Variants in AGBL1 observed in about 807,000 individuals in gnomAD.
The protein encoded by AGBL1 is AGBL carboxypeptidase 1.
In AGBL1, 130 loss-of-function variants were observed where a neutral mutation model predicts 118.9. The ratio of observed to expected loss-of-function variants is 1.09; its 90% CI spans 0.95 to 1.26. AGBL1 has a LOEUF of 1.26. AGBL1 is among the 50% of genes most tolerant of loss of function. The pLI is 0.00. For synonymous variants in AGBL1, 555 were observed against 478.9 expected, an observed-to-expected ratio of 1.16 and a Z score of -2.08; for missense variants, 1,584 against 1,298.1, an observed-to-expected ratio of 1.22 and a Z score of -3.38.
At chr15:86,548,342 C>A (rs1191397183) in intron 20 of AGBL1, among the ~76,000 whole-genome samples, 1 of 152,122 alleles carries the variant, frequency 6.6e-6, no homozygotes, top group Non-Finnish European at 1.5e-5. Flanking sequence ...CACTCTGCAA[C>A]ATTTATTCAG....
intron 5 of AGBL1, among the ~76,000 whole-genome samples, chr15:86,181,764 A>G (rs1330581470): frequency 6.6e-6 from 1 of 152,082 alleles, no homozygotes. Context: ...GAAGGATACC[A>G]ATAACTAGTT....
intron 22 of AGBL1, among the ~76,000 whole-genome samples, chr15:86,693,720 T>C (rs1196692142): frequency 6.6e-6 from 1 of 152,160 alleles, no homozygotes; most frequent in Non-Finnish European, 1.5e-5. Flanking sequence ...AGAACTTTTA[T>C]AGTTTCAGGT....
chr15:86,127,544 C>T (rs914952896), intron 1 of AGBL1, among the ~76,000 whole-genome samples: 9 of 151,168 alleles, frequency 6.0e-5, no homozygotes, highest in African/African-American at 2.0e-4. Context: ...AAAAGCAGGC[C>T]ACGTGGCCGA....
chr15:86,608,965 T>A (rs1316112755), intron 21 of AGBL1, among the ~76,000 whole-genome samples: 2 of 152,144 alleles, frequency 1.3e-5, no homozygotes, highest in Non-Finnish European at 2.9e-5. Context: ...AGAAACTGCA[T>A]CTTGGCAAAC....
At chr15:86,869,978 G>A (rs1231943841) in intron 22 of AGBL1, among the ~76,000 whole-genome samples, 1 of 152,050 alleles carries the variant, frequency 6.6e-6, no homozygotes, top group Non-Finnish European at 1.5e-5. Context: ...TCCATTGCCC[G>A]CAAGTTTCCA....
intron 17 of AGBL1, among the ~76,000 whole-genome samples, chr15:86,350,972 T>A (rs188682336): frequency 7.7e-4 from 118 of 152,328 alleles, no homozygotes; most frequent in African/African-American, 2.7e-3. Flanking sequence ...CCCAAGAGAA[T>A]ACTTTTTGTA....
At chr15:86,185,884 A>G (rs963562880) in intron 5 of AGBL1, among the ~76,000 whole-genome samples, 2 of 152,194 alleles carry the variant, frequency 1.3e-5, no homozygotes, top group African/African-American at 4.8e-5. Flanking sequence ...GTGCACATGT[A>G]CCCTGGAACT....
intron 22 of AGBL1, among the ~76,000 whole-genome samples, chr15:86,817,163 G>C (rs867002473): frequency 6.6e-6 from 1 of 151,836 alleles, no homozygotes; most frequent in East Asian, 1.9e-4. Context: ...TGGTGGTCAG[G>C]TGGCTGTAAT....
rs28567396 is a variant in AGBL1, at chr15:86,870,031, C to T, written c.3159-37056C>T. Among the ~76,000 whole-genome samples the T allele has an allele frequency of 7.5e-3, 1,146 of 152,254 alleles. 14 individuals are homozygous for T. The highest frequency in any genetic ancestry group is 0.026 in the African/African-American group (1,081 of 41,546). Reference sequence around the variant, plus strand: ...CAAAGTCATATCTCCCTCCTTCCTTCGACTGCATCACCCCACTTCTATTTA... The same window carrying T: ...CAAAGTCATATCTCCCTCCTTCCTTTGACTGCATCACCCCACTTCTATTTA... On this transcript the variant is annotated intron_variant, in intron 22 of 22. Transcript: ENST00000614907.
intron 5 of AGBL1, among the ~76,000 whole-genome samples, chr15:86,223,310 C>T (rs1185599082): frequency 6.6e-6 from 1 of 152,166 alleles, no homozygotes; most frequent in Non-Finnish European, 1.5e-5. Context: ...AGGCGCCTTG[C>T]TTGGGACATC....
At chr15:86,119,541 C>T (rs1030445444) in intron 1 of AGBL1, among the ~76,000 whole-genome samples, 5 of 151,834 alleles carry the variant, frequency 3.3e-5, no homozygotes, top group African/African-American at 1.2e-4. Context: ...AAATGATCTG[C>T]CCCCCCGGAC....
At chr15:86,144,660 C>T (rs1036688069) in intron 3 of AGBL1, among the ~76,000 whole-genome samples, 1 of 152,028 alleles carries the variant, frequency 6.6e-6, no homozygotes, top group Non-Finnish European at 1.5e-5. Context: ...TTGGGCCTGT[C>T]AGAGGATGGA....
chr15:86,357,642 A>G (rs1270463010), intron 17 of AGBL1, among the ~76,000 whole-genome samples: 1 of 151,968 alleles, frequency 6.6e-6, no homozygotes, highest in Non-Finnish European at 1.5e-5. Flanking sequence ...AAAGTTATCT[A>G]CTTCCCTCCT....
intron 23 of AGBL1, among the ~76,000 whole-genome samples, chr15:86,985,840 A>G (rs1014472807): frequency 2.0e-5 from 3 of 151,896 alleles, no homozygotes; most frequent in Non-Finnish European, 4.4e-5. Flanking sequence ...TAGCTTTTAC[A>G]TTTAGTCCCA....
At chr15:86,373,114 G>T (rs1235225619) in intron 17 of AGBL1, among the ~76,000 whole-genome samples, 1 of 152,052 alleles carries the variant, frequency 6.6e-6, no homozygotes, top group Non-Finnish European at 1.5e-5. Context: ...CAGCCTAATG[G>T]GTCATTACCT....
At chr15:86,985,517 T>C (rs1020964199) in intron 23 of AGBL1, among the ~76,000 whole-genome samples, 3 of 152,254 alleles carry the variant, frequency 2.0e-5, no homozygotes, top group African/African-American at 7.2e-5. Context: ...ATATGCTTAT[T>C]TGCCATCCTT....
chr15:86,555,070 C>T (rs1306442322), intron 21 of AGBL1, among the ~76,000 whole-genome samples: 1 of 152,174 alleles, frequency 6.6e-6, no homozygotes, highest in African/African-American at 2.4e-5. Context: ...GGGTTTTGGA[C>T]TCATATGCTA....
At chr15:86,885,789 G>A (rs1453006417) in intron 22 of AGBL1, among the ~76,000 whole-genome samples, 1 of 152,168 alleles carries the variant, frequency 6.6e-6, no homozygotes, top group Non-Finnish European at 1.5e-5. Context: ...GAGCCCAAGA[G>A]CCATCTGGTT....
intron 21 of AGBL1, among the ~76,000 whole-genome samples, chr15:86,604,367 C>A (rs962508968): frequency 6.6e-6 from 1 of 152,102 alleles, no homozygotes; most frequent in African/African-American, 2.4e-5. Context: ...GTAATATTTT[C>A]ATTTAATAGG....
Sources: allele counts gnomAD v4.1 joint callset (sites outside exome capture counted in the v4.1 genomes callset), GRCh38; gene constraint gnomAD v4.1.1; transcripts MANE v1.5; gene names NCBI Gene and HGNC (gene_info 2026-07-23, HGNC 2026-07-21).